Variants in HP1BP3 observed in about 807,000 individuals in gnomAD.
HP1BP3 encodes heterochromatin protein 1 binding protein 3.
HP1BP3 carries 12 observed loss-of-function variants against 62.5 expected under a neutral mutation model. The ratio of observed to expected loss-of-function variants is 0.19; its 90% CI spans 0.12 to 0.31. The LOEUF (loss-of-function observed/expected upper bound fraction) is 0.31. Among genes scored for constraint, HP1BP3 ranks in the 10% least tolerant of loss-of-function variants. HP1BP3 has a pLI of 1.00. For synonymous variants in HP1BP3, 260 were observed against 237.8 expected, an observed-to-expected ratio of 1.09 and a Z score of -0.86; for missense variants, 502 against 651.8, an observed-to-expected ratio of 0.77 and a Z score of 2.50.
At chr1:20,757,081 T>G in intron 9 of HP1BP3, 85 bp downstream of exon 9, 1 of 734,534 alleles carries the variant, frequency 1.4e-6, no homozygotes, top group South Asian at 1.8e-5. Context: ...TTTGAGGTCC[T>G]CAATAAATTT....
intron 1 of HP1BP3, among the ~76,000 whole-genome samples, chr1:20,785,820 C>A (rs2057795679): frequency 6.6e-6 from 1 of 152,188 alleles, no homozygotes; most frequent in African/African-American, 2.4e-5. Flanking sequence ...TTACACTAAA[C>A]TTTTGAGAAG....
At chr1:20,761,497 G>GAA (rs968358347) in intron 8 of HP1BP3, among the ~76,000 whole-genome samples, 3 of 150,546 alleles carry the variant, frequency 2.0e-5, no homozygotes, top group African/African-American at 7.3e-5. Context: ...GATAATGTGG[G>GAA]AAATGCAGGG....
At position 20,750,375 on chromosome 1, in the gene HP1BP3, ACAC is replaced by A. The variant is rs1396178220; in HGVS notation, c.982-496_982-494del. On this transcript the variant is annotated intron_variant, in intron 9 of 12. Transcript: ENST00000438032. ...CACACACACACACACACACACACAC[ACAC>A]AAAATAGCCAGGTGTGGCAGGTGCC... 8.5e-5 allele frequency: 8 copies of A among 94,592 alleles called. No individual in the cohort carries two copies. In the South Asian group the frequency reaches 1.7e-3, roughly 20 times the overall value. The allele number at this position is 94,592 out of a possible 1,614,324, so 5.9% of individuals were successfully genotyped here.
rs1422309811 is a variant in HP1BP3, at chr1:20,743,752, A to G, written c.*1045T>C. The G allele has an allele frequency of 6.6e-6, 1 of 152,084 alleles. No homozygotes were observed. Among genetic ancestry groups the G allele is most frequent in the Non-Finnish European group, 1.5e-5 (1 of 68,014 alleles). The allele number at this position is 152,084 out of a possible 1,614,324, so 9.4% of individuals were successfully genotyped here. ...AGAAATCACAAATCAATATATTTCTACACTTCCCCTTCAGTCAAAAACCAA... is the reference window on the plus strand; with the variant it reads ...AGAAATCACAAATCAATATATTTCTGCACTTCCCCTTCAGTCAAAAACCAA... On this transcript the variant is annotated 3_prime_UTR_variant, in exon 13 of 13. Coordinates refer to ENST00000438032, the MANE Select transcript of HP1BP3 (RefSeq NM_001372052.1).
intron 4 of HP1BP3, 70 bp downstream of exon 4, chr1:20,776,526 TA>T: frequency 7.2e-7 from 1 of 1,379,518 alleles, no homozygotes; most frequent in Non-Finnish European, 1.0e-6. Flanking sequence ...TATAACACTT[TA>T]AAACAATCTA....
chr1:20,780,847 G>C (rs2057512043), intron 1 of HP1BP3, among the ~76,000 whole-genome samples: 5 of 152,194 alleles, frequency 3.3e-5, no homozygotes, highest in Admixed American at 3.3e-4. Flanking sequence ...TAGAAGGATA[G>C]AATAAAGAGA....
intron 5 of HP1BP3, among the ~76,000 whole-genome samples, chr1:20,772,912 T>C (rs2057125174): frequency 6.6e-6 from 1 of 152,180 alleles, no homozygotes; most frequent in South Asian, 2.1e-4. Context: ...TGTAAGCATT[T>C]TGGAATGTCT....
chr1:20,776,139 T>C (rs1570662127), intron 4 of HP1BP3: 5 of 803,850 alleles, frequency 6.2e-6, no homozygotes, highest in African/African-American at 3.5e-5. Flanking sequence ...ATCAAACATA[T>C]ATAGACTTTT....
chr1:20,745,157 A>C, intron 12 of HP1BP3, 66 bp from the exon 13 acceptor site: 1 of 1,508,480 alleles, frequency 6.6e-7, no homozygotes, highest in Non-Finnish European at 8.9e-7. Context: ...TGGGACAACC[A>C]GATGCTTTCT....
At chr1:20,764,602 C>A (rs1478593797) in intron 8 of HP1BP3, among the ~76,000 whole-genome samples, 1 of 147,946 alleles carries the variant, frequency 6.8e-6, no homozygotes, top group African/African-American at 2.5e-5. Context: ...AGAAGATACA[C>A]AGTTCAATAC....
chr1:20,750,717 C>G (rs993187640), intron 9 of HP1BP3, among the ~76,000 whole-genome samples: 4 of 151,928 alleles, frequency 2.6e-5, no homozygotes, highest in African/African-American at 4.8e-5. Flanking sequence ...AGACCAACAC[C>G]TCCTTGTCCT....
chr1:20,780,590 A>C, intron 1 of HP1BP3, 50 bp from the exon 2 acceptor site: 1 of 603,554 alleles, frequency 1.7e-6, no homozygotes, highest in South Asian at 2.1e-5. Context: ...ACAAAACTAA[A>C]CTAAAACGTC....
intron 1 of HP1BP3, chr1:20,786,426 A>T (rs2154542131): frequency 6.6e-6 from 1 of 152,442 alleles, no homozygotes; most frequent in African/African-American, 2.4e-5. Flanking sequence ...GAGACAAAGC[A>T]GCGAGGCGAG....
chr1:20,753,102 C>T (rs1307701527), intron 9 of HP1BP3, among the ~76,000 whole-genome samples: 1 of 152,076 alleles, frequency 6.6e-6, no homozygotes, highest in African/African-American at 2.4e-5. Flanking sequence ...CCACCATGCC[C>T]GGCTAATTTC....
intron 10 of HP1BP3, among the ~76,000 whole-genome samples, chr1:20,749,515 C>T (rs1161909572): frequency 6.6e-6 from 1 of 151,980 alleles, no homozygotes; most frequent in Non-Finnish European, 1.5e-5. Context: ...CACACCACTA[C>T]ACCCTGCTAA....
Position 20,741,844 on chromosome 1 carries a change from T to G in HP1BP3, c.*2953A>C, listed in dbSNP as rs766036464. Among the ~76,000 whole-genome samples the G allele has an allele frequency of 6.6e-6, 1 of 152,234 alleles. No individual in the cohort carries two copies. Among genetic ancestry groups the G allele is most frequent in the Non-Finnish European group, 1.5e-5 (1 of 68,036 alleles). On this transcript the variant is annotated 3_prime_UTR_variant, in exon 13 of 13. Transcript: ENST00000438032. ...TTCTGGGATTACCTCTGGGGTTTGTTGTTCCCCTTTCTGAACATGGAAGTA... is the reference window on the plus strand; with the variant it reads ...TTCTGGGATTACCTCTGGGGTTTGTGGTTCCCCTTTCTGAACATGGAAGTA...
At chr1:20,776,828 T>A in intron 3 of HP1BP3, 78 bp from the exon 4 acceptor site, 1 of 1,270,148 alleles carries the variant, frequency 7.9e-7, no homozygotes, top group Non-Finnish European at 1.1e-6. Context: ...GCTTATCTTA[T>A]TAAACGGACC....
Position 20,757,178 on chromosome 1 carries a change from C to T in HP1BP3, c.969G>A (p.Ser323=), listed in dbSNP as rs753675959. Residue 323 remains serine, a synonymous_variant, in exon 9 of 13, where the codon TCG becomes TCA. Transcript: ENST00000438032. ...QLEQITGKGA[S]GTFQLKKSGE... The stretch of plus-strand genomic sequence containing the variant: ...TCTGATCTCTAACCTGGAATGTCCC[C>T]GAAGCACCTTTGCCAGTTATCTGTT... The T allele has an allele frequency of 3.4e-5, 55 of 1,609,978 alleles. No homozygotes were observed. The South Asian group carries it at 4.3e-4, about 13-fold the overall frequency.
chr1:20,758,225 T>C (rs1314754277), intron 8 of HP1BP3, among the ~76,000 whole-genome samples: 1 of 152,242 alleles, frequency 6.6e-6, no homozygotes, highest in African/African-American at 2.4e-5. Context: ...GTAATGGTCA[T>C]ACTATGAGAA....
Sources: gnomAD v4.1 joint callset for allele counts (sites outside exome capture counted in the v4.1 genomes callset) on GRCh38, gnomAD v4.1.1 for gene constraint, MANE v1.5 for transcripts, NCBI Gene and HGNC (gene_info 2026-07-23, HGNC 2026-07-21) for gene names.